SLC35E1: variants seen among roughly 807,000 people sequenced by gnomAD.
SLC35E1 encodes the protein solute carrier family 35, member E1.
SLC35E1 carries 12 observed loss-of-function variants against 31.0 expected under a neutral mutation model. That is an observed-to-expected ratio of 0.39 (90% CI 0.25 to 0.63). The LOEUF (loss-of-function observed/expected upper bound fraction) is 0.63, where lower values mean the gene tolerates loss of function less well. SLC35E1 is among the 20% of genes least tolerant of loss of function. The pLI, the probability that SLC35E1 is intolerant of heterozygous loss-of-function variation, is 0.52. For synonymous variants in SLC35E1, 257 were observed against 264.1 expected (o/e 0.97, Z 0.26); for missense variants, 429 against 572.2 (o/e 0.75, Z 2.55).
At position 16,553,408 on chromosome 19, in the gene SLC35E1, A is replaced by G. The variant is rs1035020972; in HGVS notation, c.*271T>C. 6.8e-6 allele frequency: 2 copies of G among 293,924 alleles called. No homozygotes were observed. The highest frequency in any genetic ancestry group is 1.0e-4 in the Admixed American group (2 of 19,506). 18.2% of individuals were successfully genotyped at this position (293,924 alleles called of 1,614,324 possible). On this transcript the variant is annotated 3_prime_UTR_variant, in exon 6 of 6. Coordinates refer to ENST00000595753, the MANE Select transcript of SLC35E1 (RefSeq NM_024881.5). ...GGTACAACGTGGCCAAGATCTCCGC[A>G]GGGACACGGCCCTCAGATGACAGAC...
At chr19:16,571,489 C>T in intron 2 of SLC35E1, 23 bp downstream of exon 2, 1 of 1,613,332 alleles carries the variant, frequency 6.2e-7, no homozygotes, top group Non-Finnish European at 8.5e-7. Flanking sequence ...TCCCATCTGC[C>T]CAGAGTCCCT....
At chr19:16,568,570 G>A (rs1011021198) in intron 2 of SLC35E1, among the ~76,000 whole-genome samples, 8 of 151,504 alleles carry the variant, frequency 5.3e-5, no homozygotes, top group Admixed American at 2.6e-4. Context: ...TCGCTCTGTC[G>A]CCCAGGCTGG....
rs2085858925 is a variant in SLC35E1, at chr19:16,553,829, G to A, written c.1083C>T (p.His361=). ...TTADLSSKER[H]RSPLEKPHNG... ...TGTGGGGCTTCTCCAGTGGGCTCCG[G>A]TGACGCTCCTTGCTGCTCAGGTCTG... Residue 361 remains histidine (H), a synonymous_variant, in exon 6 of 6, where the codon CAC becomes CAT. Transcript: ENST00000595753. 4.3e-6 allele frequency: 7 copies of A among 1,613,964 alleles called. No homozygotes were observed. The highest frequency in any genetic ancestry group is 5.9e-6 in the Non-Finnish European group (7 of 1,180,004).
chr19:16,560,080 C>A (rs767634536), intron 4 of SLC35E1, among the ~76,000 whole-genome samples: 7 of 152,036 alleles, frequency 4.6e-5, no homozygotes, highest in African/African-American at 1.4e-4. Flanking sequence ...GAGTCTGTGC[C>A]GCCTGTGGTC....
rs2085869177 is a variant in SLC35E1, at chr19:16,555,154, T to C, written c.1000A>G (p.Lys334Glu). 6.2e-7 allele frequency: 1 copy of C among 1,613,922 alleles called. No individual in the cohort carries two copies. Among genetic ancestry groups the C allele is most frequent in the East Asian group, 2.2e-5 (1 of 44,874 alleles). ...TAILGVFLYNKTKYDANQQAR... is the reference protein window; with the variant it reads ...TAILGVFLYNETKYDANQQAR... ...TGCCCAGCCTCTCAGACTCTCACCT[T>C]GTTATAGAGGAAGACCCCCAGGATG... The change falls in exon 5 of 6, where the codon AAG becomes GAG. Residue 334 changes from lysine to glutamate, a missense_variant and splice_region_variant. Coordinates refer to ENST00000595753, the MANE Select transcript of SLC35E1 (RefSeq NM_024881.5). The surrounding 1 kb of genome is among the most constrained non-coding windows in gnomAD (Gnocchi z 4.1).
At chr19:16,559,893 C>A (rs1424471588) in intron 4 of SLC35E1, among the ~76,000 whole-genome samples, 1 of 152,142 alleles carries the variant, frequency 6.6e-6, no homozygotes. Flanking sequence ...CCGGGCATTT[C>A]GCATATTATA....
At chr19:16,560,894 A>AAAAAAAAAAAAAACCAAAAGAAAAAAAC (rs1282867880) in intron 4 of SLC35E1, among the ~76,000 whole-genome samples, 1 of 143,566 alleles carries the variant, frequency 7.0e-6, no homozygotes, top group African/African-American at 2.7e-5. Flanking sequence ...AAAAAAAAAA[A>AAAAAAAAAAAAAACCAAAAGAAAAAAAC]AAAAAAGAGA....
At chr19:16,567,931 T>G (rs1175436073) in intron 3 of SLC35E1, 101 bp downstream of exon 3, 3 of 1,427,680 alleles carry the variant, frequency 2.1e-6, no homozygotes, top group East Asian at 5.2e-5. Flanking sequence ...TCTGCTCTAA[T>G]AGCAAAGAAA....
chr19:16,566,955 A>G (rs748396221), intron 3 of SLC35E1, among the ~76,000 whole-genome samples: 18 of 152,244 alleles, frequency 1.2e-4, no homozygotes, highest in Non-Finnish European at 2.4e-4. Flanking sequence ...AATTGGTATA[A>G]CCTTTCTAAA....
chr19:16,564,945 T>C, intron 4 of SLC35E1: 1 of 336,294 alleles, frequency 3.0e-6, no homozygotes, highest in Non-Finnish European at 5.9e-6. Flanking sequence ...ATAGAGGTAA[T>C]ATCCACTACT....
At chr19:16,567,017 C>T (rs1341180087) in intron 3 of SLC35E1, among the ~76,000 whole-genome samples, 2 of 152,184 alleles carry the variant, frequency 1.3e-5, no homozygotes, top group African/African-American at 4.8e-5. Context: ...TACCCTCTAA[C>T]CTGAGAACTG....
intron 4 of SLC35E1, among the ~76,000 whole-genome samples, chr19:16,562,355 G>A (rs1599319358): frequency 6.6e-6 from 1 of 152,162 alleles, no homozygotes; most frequent in Non-Finnish European, 1.5e-5. Context: ...TCTCTGGGAC[G>A]ATGAGATGAA....
intron 3 of SLC35E1, 42 bp from the exon 4 acceptor site, chr19:16,566,699 T>C: frequency 6.3e-7 from 1 of 1,586,654 alleles, no homozygotes; most frequent in Non-Finnish European, 8.6e-7. Context: ...TAAAACTATA[T>C]GTGGCAAAAA....
rs1192200941 is a variant in SLC35E1, at chr19:16,555,404, A to G, written c.757-7T>C. On this transcript the variant is annotated splice_region_variant and splice_polypyrimidine_tract_variant and intron_variant, in intron 4 of 5. Transcript: ENST00000595753. This position sits in a 1 kb window ranked among gnomAD's most constrained non-coding sequence, Gnocchi z 4.1. ...GCCACTGGTAGACGTAGGTCTGCAG[A>G]GACCGGAAGGTAAAGACAGCACTTC... The G allele has an allele frequency of 6.2e-7, 1 of 1,612,822 alleles. No individual in the cohort carries two copies. Among genetic ancestry groups the G allele is most frequent in the African/African-American group, 1.3e-5 (1 of 74,894 alleles).
At chr19:16,556,150 T>G (rs977683553) in intron 4 of SLC35E1, among the ~76,000 whole-genome samples, 1 of 151,408 alleles carries the variant, frequency 6.6e-6, no homozygotes, top group African/African-American at 2.4e-5. Context: ...GAGGTGGAGG[T>G]TGCAGTGAGC....
intron 4 of SLC35E1, among the ~76,000 whole-genome samples, chr19:16,560,135 G>A (rs2085897218): frequency 6.6e-6 from 1 of 152,124 alleles, no homozygotes; most frequent in African/African-American, 2.4e-5. Flanking sequence ...TCTGTTCTTA[G>A]TCTTTGGTAT....
Position 16,572,068 on chromosome 19 carries a change from G to A in SLC35E1, c.297C>T (p.Ser99=), listed in dbSNP as rs1285132813. 2.6e-6 allele frequency: 4 copies of A among 1,538,890 alleles called. No homozygotes were observed. The highest frequency in any genetic ancestry group is 1.2e-5 in the South Asian group (1 of 83,504). ...AGAAGCGCGGCGGCAGCAGCGGGCC[G>A]GACGACGGATGCGGACTGGGTCCGG... The part of the protein sequence containing the change: ...SGPGPSPHPS[S]GPLLPPRFYP... Residue 99 remains serine, a synonymous_variant, in exon 1 of 6, where the codon TCC becomes TCT. Transcript: ENST00000595753. The surrounding 1 kb of genome is among the most constrained non-coding windows in gnomAD (Gnocchi z 4.1).
chr19:16,557,258 A>T, intron 4 of SLC35E1: 2 of 262,536 alleles, frequency 7.6e-6, no homozygotes, highest in South Asian at 7.9e-5. Flanking sequence ...CAGTGGCGCG[A>T]TCTCTGCTCA....
intron 2 of SLC35E1, 41 bp from the exon 3 acceptor site, chr19:16,568,210 T>C (rs755741690): frequency 3.2e-6 from 5 of 1,566,426 alleles, no homozygotes; most frequent in Middle Eastern, 1.7e-4. Context: ...CAGGCCAGAC[T>C]AGAGCTGGGC....
Sources: gnomAD v4.1 joint callset for allele counts (sites outside exome capture counted in the v4.1 genomes callset) on GRCh38, gnomAD v4.1.1 for gene constraint, Gnocchi (gnomAD v3.1) non-coding constraint, MANE v1.5 for transcripts, NCBI Gene and HGNC (gene_info 2026-07-23, HGNC 2026-07-21) for gene names.